Variants in TEPSIN observed in about 807,000 individuals in gnomAD.
TEPSIN encodes the protein AP-4 complex accessory subunit tepsin.
A neutral mutation model predicts 48.5 loss-of-function variants in TEPSIN; 50 were observed. That is an observed-to-expected ratio of 1.03 (90% confidence interval 0.82 to 1.31). The LOEUF is 1.31. Ranked by LOEUF, TEPSIN falls within the 50% of genes most tolerant of loss-of-function variation. TEPSIN has a pLI of 0.00. For synonymous variants in TEPSIN, 392 were observed against 358.8 expected (o/e 1.09, Z -1.05); for missense variants, 838 against 815.9 (o/e 1.03, Z -0.33).
rs759111562 is a variant in TEPSIN, at chr17:81,228,630, G to C, written c.*298C>G. ...AAATGAAATAAGGAACCTGGTAGTC[G>C]CTTCCGCATTCATACAAGAAACCTC... is the stretch of plus-strand genomic sequence containing the variant. On this transcript the variant is annotated 3_prime_UTR_variant, in exon 13 of 13. Transcript: ENST00000637944. The C allele has an allele frequency of 6.8e-5, 32 of 471,362 alleles. No individual in the cohort carries two copies. The highest frequency in any genetic ancestry group is 1.1e-4 in the Non-Finnish European group (30 of 268,224). The allele number at this position is 471,362 out of a possible 1,614,324, so 29.2% of individuals were successfully genotyped here.
chr17:81,234,091 G>C lies in TEPSIN; in HGVS notation c.308-43C>G. The C allele has an allele frequency of 1.3e-6, 2 of 1,523,552 alleles. No homozygotes were observed. Among genetic ancestry groups the C allele is most frequent in the Non-Finnish European group, 1.8e-6 (2 of 1,136,706 alleles). The allele number at this position is 1,523,552 out of a possible 1,614,324, so 94.4% of individuals were successfully genotyped here. On this transcript the variant is annotated intron_variant, in intron 4 of 12. Transcript: ENST00000637944. This position sits in a 1 kb window ranked among gnomAD's most constrained non-coding sequence, Gnocchi z 5.4. ...CAAGTCGGGGGCAGGGCTGAGCCTG[G>C]CACCGCTGCTCCCTGTGGAGCACGG...
At position 81,236,748 on chromosome 17, in the gene TEPSIN, G is replaced by A. The variant is rs369913192; in HGVS notation, c.267C>T (p.Leu89=). The change falls in exon 4 of 13, where the codon CTC becomes CTT. Residue 89 remains leucine (L), a synonymous_variant. Coordinates refer to ENST00000637944, the MANE Select transcript of TEPSIN (RefSeq NM_001363764.2). ...TGAAGGCAGAGTTGCGTTTGAGGAT[G>A]AGCAGGAAGAAGGAGGAGCCGTGGC... ...LCSHGSSFFL[L]ILKRNSAFIQ... is the part of the protein sequence containing the mutation. 9.5e-6 allele frequency: 15 copies of A among 1,574,634 alleles called. No individual in the cohort carries two copies. The highest frequency in any genetic ancestry group is 6.8e-5 in the African/African-American group (5 of 73,916).
chr17:81,230,398 C>G lies in TEPSIN; in HGVS notation c.1233+146G>C. ...GTGAGGACCCTGACTTGCTGCTGCT[C>G]CCTCTGCCAGCGGGACAGGGACTTG... On this transcript the variant is annotated intron_variant, in intron 12 of 12. Coordinates refer to ENST00000637944, the MANE Select transcript of TEPSIN (RefSeq NM_001363764.2). The surrounding 1 kb of genome is among the most constrained non-coding windows in gnomAD (Gnocchi z 4.2). The G allele has an allele frequency of 1.7e-6, 2 of 1,171,688 alleles. No homozygotes were observed. Among genetic ancestry groups the G allele is most frequent in the Non-Finnish European group, 2.4e-6 (2 of 849,620 alleles). 72.6% of individuals were successfully genotyped at this position (1,171,688 alleles called of 1,614,324 possible).
At position 81,237,511 on chromosome 17, in the gene TEPSIN, G is replaced by GT. The variant is rs1270094322; in HGVS notation, c.49-53dup. 2.6e-6 allele frequency: 4 copies of GT among 1,547,036 alleles called. No homozygotes were observed. The African/African-American group carries it at 5.4e-5, about 21-fold the overall frequency. ...TGATGAGGTGCCATTTCCCACAGGG[G>GT]TGAATCCGCAGCCCCCCAAAGGGGA... On this transcript the variant is annotated intron_variant, in intron 1 of 12. Coordinates refer to ENST00000637944, the MANE Select transcript of TEPSIN (RefSeq NM_001363764.2).
chr17:81,233,281 C>T lies in TEPSIN; in HGVS notation c.526+151G>A. 2 of 883,486 alleles carry T rather than the reference C, an allele frequency of 2.3e-6. No individual in the cohort carries two copies. Among genetic ancestry groups the T allele is most frequent in the Non-Finnish European group, 3.4e-6 (2 of 591,006 alleles). 54.7% of individuals were successfully genotyped at this position (883,486 alleles called of 1,614,324 possible). A position where few individuals can be genotyped will look rare whatever the true frequency, so the allele number is the denominator to read the frequency against. ...CCCCACGTCAGCAGCCAGAGAGAGA[C>T]AGTGGGGACAGCCCCAGGAAGGGTT... is the stretch of plus-strand genomic sequence containing the variant. On this transcript the variant is annotated intron_variant, in intron 7 of 12. Transcript: ENST00000637944. The surrounding 1 kb of genome is among the most constrained non-coding windows in gnomAD (Gnocchi z 5.8).
intron 1 of TEPSIN, chr17:81,238,391 G>T: frequency 3.7e-6 from 1 of 268,590 alleles, no homozygotes; most frequent in Non-Finnish European, 5.7e-6. Context: ...GGACCACCCA[G>T]CCCCCTCTGA....
At chr17:81,237,771 T>C (rs1341021459) in intron 1 of TEPSIN, 1 of 430,862 alleles carries the variant, frequency 2.3e-6, no homozygotes, top group Non-Finnish European at 4.1e-6. Flanking sequence ...GTAAGGCTAT[T>C]TGAAGGTACC....
Position 81,230,427 on chromosome 17 carries a change from G to A in TEPSIN, c.1233+117C>T, listed in dbSNP as rs1315761504. ...CTGCCAGCGGGACAGGGACTTGAGA[G>A]GGGGTCCGGGAAGGGCTGACCAGGC... On this transcript the variant is annotated intron_variant, in intron 12 of 12. Transcript: ENST00000637944. This position sits in a 1 kb window ranked among gnomAD's most constrained non-coding sequence, Gnocchi z 4.2. The A allele has an allele frequency of 3.5e-6, 5 of 1,418,366 alleles. No homozygotes were observed. The African/African-American group carries it at 5.7e-5, about 16-fold the overall frequency. 87.9% of individuals were successfully genotyped at this position (1,418,366 alleles called of 1,614,324 possible).
intron 12 of TEPSIN, chr17:81,229,850 G>A (rs2062551731): frequency 7.0e-6 from 2 of 285,016 alleles, no homozygotes; most frequent in Non-Finnish European, 1.3e-5. Context: ...CTTCCAGCAT[G>A]CCCGTTTTAG....
At position 81,231,417 on chromosome 17, in the gene TEPSIN, G is replaced by A; in HGVS notation, c.1079C>T (p.Thr360Ile). 6.4e-7 allele frequency: 1 copy of A among 1,556,960 alleles called. No homozygotes were observed. Among genetic ancestry groups the A allele is most frequent in the Non-Finnish European group, 8.7e-7 (1 of 1,150,582 alleles). Reference protein sequence around the residue: ...LQLLTCHLRGTSECTQLRALC... With the variant: ...LQLLTCHLRGISECTQLRALC... ...GCTCACCAGCTGCGTGCATTCACTG[G>A]TCCCACGCAGGTGGCAGGTCAGCAG... The change falls in exon 11 of 13, where the codon ACC becomes ATC. Residue 360 changes from threonine to isoleucine, a missense_variant. Physicochemically the swap from Thr to Ile is moderately conservative, Grantham distance 89. Coordinates refer to ENST00000637944, the MANE Select transcript of TEPSIN (RefSeq NM_001363764.2).
Sources: gnomAD v4.1 joint callset for allele counts on GRCh38, gnomAD v4.1.1 for gene constraint, Gnocchi (gnomAD v3.1) non-coding constraint, MANE v1.5 for transcripts, NCBI Gene and HGNC (gene_info 2026-07-23, HGNC 2026-07-21) for gene names.